KCTD16: variants seen among roughly 807,000 people sequenced by gnomAD.
KCTD16 encodes the protein potassium channel tetramerization domain containing 16, also known as BTB/POZ domain-containing protein KCTD16.
In KCTD16, 13 loss-of-function variants were observed where a neutral mutation model predicts 33.2. The observed-to-expected ratio is 0.39, with a 90% CI of 0.25 to 0.62. KCTD16 has a LOEUF of 0.62. KCTD16 is among the 20% of genes least tolerant of loss of function. The pLI, the probability that KCTD16 is intolerant of heterozygous loss-of-function variation, is 0.50. For missense variants in KCTD16, 441 were observed against 525.1 expected (o/e 0.84, Z 1.57); for synonymous variants, 197 against 195.3 (o/e 1.01, Z -0.07).
At chr5:144,321,232 T>C (rs1290146971) in intron 3 of KCTD16, among the ~76,000 whole-genome samples, 4 of 148,836 alleles carry the variant, frequency 2.7e-5, no homozygotes, top group African/African-American at 1.0e-4. Context: ...ATTAAAACTG[T>C]AAGGTTCTTT....
Position 144,398,958 on chromosome 5 carries a change from A to G in KCTD16, c.833-74702A>G, listed in dbSNP as rs374071726. On this transcript the variant is annotated intron_variant, in intron 3 of 3. Coordinates refer to ENST00000512467, the MANE Select transcript of KCTD16 (RefSeq NM_020768.4). ...CTGCAAGGTTAAATATGGGATTCTC[A>G]GTTGGTTCCTGTGAATTAAAATCTC... is the stretch of plus-strand genomic sequence containing the variant. Among the ~76,000 whole-genome samples, 7 of 152,268 alleles carry G rather than the reference A, an allele frequency of 4.6e-5. No individual in the cohort carries two copies. The East Asian group carries it at 7.7e-4, about 17-fold the overall frequency.
intron 3 of KCTD16, among the ~76,000 whole-genome samples, chr5:144,458,830 C>T (rs962892773): frequency 4.6e-5 from 7 of 152,188 alleles, no homozygotes; most frequent in Non-Finnish European, 2.9e-5. Flanking sequence ...TACTTTCTCT[C>T]CCTGTTGTAG....
intron 3 of KCTD16, among the ~76,000 whole-genome samples, chr5:144,230,533 T>C (rs1477696820): frequency 6.6e-6 from 1 of 152,178 alleles, no homozygotes; most frequent in African/African-American, 2.4e-5. Context: ...GTTAAAAATG[T>C]ATAAAATGTG....
intron 2 of KCTD16, among the ~76,000 whole-genome samples, chr5:144,177,577 A>G (rs958553346): frequency 6.6e-6 from 1 of 152,094 alleles, no homozygotes; most frequent in Non-Finnish European, 1.5e-5. Flanking sequence ...TAGCTTGTAG[A>G]TGCATCAGTC....
chr5:144,310,341 A>G lies in KCTD16; in HGVS notation c.832+102795A>G, dbSNP rs79030174. Among the ~76,000 whole-genome samples the G allele has an allele frequency of 1.9e-3, 287 of 152,250 alleles. 2 individuals are homozygous for G. Among genetic ancestry groups the G allele is most frequent in the African/African-American group, 6.4e-3 (267 of 41,550 alleles). Reference sequence around the variant, plus strand: ...TTTATTCCATATTTTTGCTATTGTGAATAGTGCTGCAATTAGCATGTGAGT... The same window carrying G: ...TTTATTCCATATTTTTGCTATTGTGGATAGTGCTGCAATTAGCATGTGAGT... On this transcript the variant is annotated intron_variant, in intron 3 of 3. Transcript: ENST00000512467.
At chr5:144,290,584 A>T (rs372367237) in intron 3 of KCTD16, among the ~76,000 whole-genome samples, 1 of 152,314 alleles carries the variant, frequency 6.6e-6, no homozygotes, top group East Asian at 1.9e-4. Context: ...ATTTTTAAAG[A>T]TCCCTTGCTC....
intron 3 of KCTD16, among the ~76,000 whole-genome samples, chr5:144,325,685 T>A (rs571830712): frequency 1.2e-4 from 19 of 152,244 alleles, no homozygotes; most frequent in African/African-American, 4.6e-4. Context: ...AAGCATTCAT[T>A]GGCAGTACAT....
intron 3 of KCTD16, among the ~76,000 whole-genome samples, chr5:144,384,557 G>A (rs1206604941): frequency 6.6e-6 from 1 of 151,670 alleles, no homozygotes; most frequent in Non-Finnish European, 1.5e-5. Flanking sequence ...TTATAACATT[G>A]TTTTATTACA....
At chr5:144,182,328 C>A (rs1580771133) in intron 2 of KCTD16, among the ~76,000 whole-genome samples, 1 of 152,264 alleles carries the variant, frequency 6.6e-6, no homozygotes, top group Admixed American at 6.5e-5. Context: ...AAATAAAATT[C>A]TATTGCTTAT....
At chr5:144,340,745 G>A (rs1408704558) in intron 3 of KCTD16, among the ~76,000 whole-genome samples, 1 of 152,026 alleles carries the variant, frequency 6.6e-6, no homozygotes, top group Non-Finnish European at 1.5e-5. Context: ...CAGGAAGAGA[G>A]CCCTCATTAA....
intron 3 of KCTD16, among the ~76,000 whole-genome samples, chr5:144,252,408 C>T (rs1754725115): frequency 6.6e-6 from 1 of 152,136 alleles, no homozygotes; most frequent in Non-Finnish European, 1.5e-5. Flanking sequence ...TTCAATCTGC[C>T]ATTATTAATT....
At chr5:144,256,308 A>G (rs2126835514) in intron 3 of KCTD16, among the ~76,000 whole-genome samples, 1 of 152,342 alleles carries the variant, frequency 6.6e-6, no homozygotes, top group South Asian at 2.1e-4. Context: ...TTGGAGTCTA[A>G]AACCAAAGAA....
At chr5:144,172,885 T>G (rs1398514564) in intron 1 of KCTD16, among the ~76,000 whole-genome samples, 1 of 152,228 alleles carries the variant, frequency 6.6e-6, no homozygotes, top group East Asian at 1.9e-4. Context: ...TCTCTTTTGT[T>G]TTTTTCTGAT....
intron 3 of KCTD16, among the ~76,000 whole-genome samples, chr5:144,259,726 A>C (rs1754954175): frequency 6.6e-6 from 1 of 152,260 alleles, no homozygotes; most frequent in African/African-American, 2.4e-5. Context: ...TGATACCCTG[A>C]ATTTCTTTCT....
chr5:144,174,119 C>T (rs1275786189), intron 1 of KCTD16, among the ~76,000 whole-genome samples, 188 bp from the exon 2 acceptor site: 1 of 152,008 alleles, frequency 6.6e-6, no homozygotes, highest in East Asian at 1.9e-4. Context: ...CTAATGTATC[C>T]ATCACCAAAA....
intron 3 of KCTD16, among the ~76,000 whole-genome samples, chr5:144,327,442 A>G (rs1326780983): frequency 1.3e-5 from 2 of 152,126 alleles, no homozygotes; most frequent in East Asian, 3.9e-4. Context: ...TCTTCCCATT[A>G]GAATTCATGA....
chr5:144,185,167 G>A (rs1752700464), intron 2 of KCTD16, among the ~76,000 whole-genome samples: 1 of 152,188 alleles, frequency 6.6e-6, no homozygotes, highest in Non-Finnish European at 1.5e-5. Context: ...TGGCTGCTGA[G>A]CAGTAGAGTG....
intron 3 of KCTD16, among the ~76,000 whole-genome samples, chr5:144,243,154 A>G (rs1318185445): frequency 2.0e-5 from 3 of 152,228 alleles, no homozygotes; most frequent in African/African-American, 7.2e-5. Context: ...CATTTTCATC[A>G]CATCATATCA....
intron 3 of KCTD16, among the ~76,000 whole-genome samples, chr5:144,436,435 G>C (rs997289114): frequency 3.9e-5 from 6 of 152,026 alleles, no homozygotes; most frequent in Non-Finnish European, 5.9e-5. Flanking sequence ...ATGGCTTAGA[G>C]GATTGGCCTC....
Sources: allele counts gnomAD v4.1 joint callset (sites outside exome capture counted in the v4.1 genomes callset), GRCh38; gene constraint gnomAD v4.1.1; transcripts MANE v1.5; gene names NCBI Gene and HGNC (gene_info 2026-07-23, HGNC 2026-07-21).